HACD4: variants seen among roughly 807,000 people sequenced by gnomAD.
HACD4 encodes the protein very-long-chain (3R)-3-hydroxyacyl-CoA dehydratase 4.
A neutral mutation model predicts 33.3 loss-of-function variants in HACD4; 35 were observed. That is an observed-to-expected ratio of 1.05 (90% CI 0.80 to 1.39). The LOEUF (loss-of-function observed/expected upper bound fraction) is 1.39, where lower values mean the gene tolerates loss of function less well. HACD4 is among the 40% of genes most tolerant of loss of function. The pLI is 0.00. For missense variants in HACD4, 323 were observed against 276.5 expected, an observed-to-expected ratio of 1.17 and a Z score of -1.19; for synonymous variants, 118 against 98.0, an observed-to-expected ratio of 1.20 and a Z score of -1.21.
chr9:21,006,863 T>C lies in HACD4; in HGVS notation c.*174A>G. On this transcript the variant is annotated 3_prime_UTR_variant, in exon 7 of 7. Transcript: ENST00000495827. The surrounding 1 kb of genome is among the most constrained non-coding windows in gnomAD (Gnocchi z 4.6). Reference sequence around the variant, plus strand: ...GAATATATATGTCTTAAAAATACAATGTGTGAAAAACATAGCCTGTTATGT... The same window carrying C: ...GAATATATATGTCTTAAAAATACAACGTGTGAAAAACATAGCCTGTTATGT... 1 of 618,112 alleles carries C rather than the reference T, an allele frequency of 1.6e-6. No homozygotes were observed. Among genetic ancestry groups the C allele is most frequent in the East Asian group, 2.9e-5 (1 of 34,418 alleles). The allele number at this position is 618,112 out of a possible 1,614,324, so 38.3% of individuals were successfully genotyped here.
rs1331576594 is a variant in HACD4 at position 21,031,621 on chromosome 9, T to G, written c.-31A>C. 7.2e-7 allele frequency: 1 copy of G among 1,384,446 alleles called. No homozygotes were observed. The highest frequency in any genetic ancestry group is 9.3e-7 in the Non-Finnish European group (1 of 1,074,640). 85.8% of individuals were successfully genotyped at this position (1,384,446 alleles called of 1,614,324 possible). A position where few individuals can be genotyped will look rare whatever the true frequency, so the allele number is the denominator to read the frequency against. On this transcript the variant is annotated 5_prime_UTR_variant, in exon 1 of 7. Transcript: ENST00000495827. The stretch of plus-strand genomic sequence containing the variant: ...GCCGCCGCCAGGGCTTCCAGCGCGG[T>G]CCAGGAAGGAGTACCGGGGAGGAGG...
intron 1 of HACD4, among the ~76,000 whole-genome samples, chr9:21,030,962 C>T (rs923472391): frequency 6.6e-6 from 1 of 152,126 alleles, no homozygotes; most frequent in Non-Finnish European, 1.5e-5. Flanking sequence ...TGTGAAACCT[C>T]CTAGAAACAA....
At chr9:21,015,167 A>T (rs1842526918) in intron 4 of HACD4, 1 of 152,238 alleles carries the variant, frequency 6.6e-6, no homozygotes, top group African/African-American at 2.4e-5. Context: ...AATTCAGTTA[A>T]GTTATTGACA....
chr9:21,022,087 C>T (rs549017739), intron 3 of HACD4, among the ~76,000 whole-genome samples: 1 of 152,328 alleles, frequency 6.6e-6, no homozygotes, highest in South Asian at 2.1e-4. Context: ...ACATCTACAA[C>T]CATCTGATCT....
intron 6 of HACD4, 21 bp downstream of exon 6, chr9:21,008,000 A>G (rs1337624805): frequency 6.3e-7 from 1 of 1,575,292 alleles, no homozygotes. Flanking sequence ...ATGCAAAAAC[A>G]AGACCAAAAA....
In HACD4 at chr9:21,007,948, A is replaced by G; in HGVS notation, c.616+73T>C. Reference sequence around the variant, plus strand: ...CTCTCCCATGTTTACCAACCTGTATATTAAGGTAGACGGCAAGCACTAACC... The same window carrying G: ...CTCTCCCATGTTTACCAACCTGTATGTTAAGGTAGACGGCAAGCACTAACC... On this transcript the variant is annotated intron_variant, in intron 6 of 6. Transcript: ENST00000495827. 8 of 1,407,354 alleles carry G rather than the reference A, an allele frequency of 5.7e-6. No individual in the cohort carries two copies. The East Asian group carries it at 2.0e-4, about 34-fold the overall frequency. The allele number at this position is 1,407,354 out of a possible 1,614,324, so 87.2% of individuals were successfully genotyped here.
chr9:21,007,137 G>T lies in HACD4; in HGVS notation c.617-18C>A, dbSNP rs1024114519. 11 of 1,281,228 alleles carry T rather than the reference G, an allele frequency of 8.6e-6. No individual in the cohort carries two copies. The highest frequency in any genetic ancestry group is 1.1e-5 in the Non-Finnish European group (10 of 877,562). 79.4% of individuals were successfully genotyped at this position (1,281,228 alleles called of 1,614,324 possible). On this transcript the variant is annotated intron_variant, in intron 6 of 6. Transcript: ENST00000495827. Reference sequence around the variant, plus strand: ...ATACATACCTAATATGGAGAAAGAAGTTGCAAAAGTAAGTAAGGTTAACTA... The same window carrying T: ...ATACATACCTAATATGGAGAAAGAATTTGCAAAAGTAAGTAAGGTTAACTA...
chr9:21,015,849 T>G (rs533248026), intron 4 of HACD4, 49 bp downstream of exon 4: 30 of 1,208,534 alleles, frequency 2.5e-5, no homozygotes, highest in Non-Finnish European at 3.3e-5. Context: ...CTGGTTTCAC[T>G]GCAGAAAGCA....
At position 21,001,423 on chromosome 9, in the gene HACD4, A is replaced by T. The variant is rs1274759566; in HGVS notation, c.*5614T>A. 1.3e-5 allele frequency: 2 copies of T among 152,098 alleles called. No homozygotes were observed. Among genetic ancestry groups the T allele is most frequent in the African/African-American group, 4.8e-5 (2 of 41,426 alleles). The allele number at this position is 152,098 out of a possible 1,614,324, so 9.4% of individuals were successfully genotyped here. A position where few individuals can be genotyped will look rare whatever the true frequency, so the allele number is the denominator to read the frequency against. Reference sequence around the variant, plus strand: ...AAAATTGGAAAAAAGTGAACAGGGTATAAGGATCTGTGGGACCCATCAAGC... The same window carrying T: ...AAAATTGGAAAAAAGTGAACAGGGTTTAAGGATCTGTGGGACCCATCAAGC... On this transcript the variant is annotated 3_prime_UTR_variant, in exon 7 of 7. Transcript: ENST00000495827.
chr9:21,024,842 G>A (rs898284869), intron 3 of HACD4, among the ~76,000 whole-genome samples: 7 of 152,160 alleles, frequency 4.6e-5, no homozygotes, highest in Admixed American at 3.3e-4. Flanking sequence ...ACATAACTGA[G>A]ATTTTAAATG....
chr9:21,029,458 A>G, intron 1 of HACD4, 60 bp from the exon 2 acceptor site: 1 of 1,067,650 alleles, frequency 9.4e-7, no homozygotes, highest in East Asian at 2.5e-5. Context: ...TCATCACTGT[A>G]CACATGCCCT....
At chr9:21,015,255 C>G (rs928810537) in intron 4 of HACD4, 2 of 152,098 alleles carry the variant, frequency 1.3e-5, no homozygotes, top group Non-Finnish European at 2.9e-5. Context: ...ATCCAGATCT[C>G]TCAAGTAGGA....
intron 1 of HACD4, 143 bp downstream of exon 1, chr9:21,031,410 T>A: frequency 7.7e-7 from 1 of 1,302,630 alleles, no homozygotes; most frequent in South Asian, 2.1e-5. Flanking sequence ...CTGCATGAGC[T>A]CCAAGGGGTG....
chr9:21,027,215 G>A (rs1410609236), intron 2 of HACD4, among the ~76,000 whole-genome samples: 1 of 152,132 alleles, frequency 6.6e-6, no homozygotes, highest in African/African-American at 2.4e-5. Flanking sequence ...AGGTATCTAG[G>A]ATTTTGTTTC....
At chr9:21,028,602 A>G (rs1020022285) in intron 2 of HACD4, among the ~76,000 whole-genome samples, 5 of 152,342 alleles carry the variant, frequency 3.3e-5, no homozygotes, top group South Asian at 2.1e-4. Context: ...TTTTTAGCTG[A>G]AGCCAGCAGT....
intron 3 of HACD4, among the ~76,000 whole-genome samples, chr9:21,025,721 T>G (rs990483378): frequency 2.0e-5 from 3 of 152,192 alleles, no homozygotes; most frequent in African/African-American, 7.2e-5. Flanking sequence ...AAATTTCCCA[T>G]CTTCCTTCAA....
intron 3 of HACD4, among the ~76,000 whole-genome samples, chr9:21,022,447 G>A (rs1048187226): frequency 2.6e-5 from 4 of 152,118 alleles, no homozygotes; most frequent in African/African-American, 7.2e-5. Context: ...GCAACCTACA[G>A]AATGGGAGAA....
At chr9:21,019,991 C>G (rs1222542134) in intron 3 of HACD4, among the ~76,000 whole-genome samples, 3 of 151,942 alleles carry the variant, frequency 2.0e-5, no homozygotes, top group Non-Finnish European at 2.9e-5. Flanking sequence ...CATATTTGTT[C>G]TCTTAAGAGT....
chr9:21,029,815 T>G (rs1818160349), intron 1 of HACD4, among the ~76,000 whole-genome samples: 1 of 152,280 alleles, frequency 6.6e-6, no homozygotes, highest in South Asian at 2.1e-4. Context: ...GGAGTACCGG[T>G]TGTTTACCTT....
Sources: allele counts gnomAD v4.1 joint callset (sites outside exome capture counted in the v4.1 genomes callset), GRCh38; gene constraint gnomAD v4.1.1; non-coding constraint Gnocchi (gnomAD v3.1); transcripts MANE v1.5; gene names NCBI Gene and HGNC (gene_info 2026-07-23, HGNC 2026-07-21).